The following ATP9B variants were observed in gnomAD, a reference collection of about 807,000 sequenced individuals.
ATP9B encodes the protein ATPase phospholipid transporting 9B.
A neutral mutation model predicts 146.1 loss-of-function variants in ATP9B; 110 were observed. That is an observed-to-expected ratio of 0.75 (90% CI 0.65 to 0.88). The LOEUF is 0.88. Ranked by LOEUF, ATP9B falls within the 40% of genes least tolerant of loss-of-function variation. ATP9B has a pLI of 0.00. For missense variants in ATP9B, 1,499 were observed against 1,496.4 expected (o/e 1.00, Z -0.03); for synonymous variants, 604 against 569.7 (o/e 1.06, Z -0.86).
chr18:79,110,212 AC>A (rs2075913366), intron 2 of ATP9B, 142 bp from the exon 3 acceptor site: 1 of 738,954 alleles, frequency 1.4e-6, no homozygotes, highest in Non-Finnish European at 1.9e-6. Flanking sequence ...TATAAGAAAA[AC>A]CCCACAAATT....
At chr18:79,151,504 G>C (rs2094688551) in intron 6 of ATP9B, among the ~76,000 whole-genome samples, 1 of 151,986 alleles carries the variant, frequency 6.6e-6, no homozygotes, top group Non-Finnish European at 1.5e-5. Flanking sequence ...TGTCATATTT[G>C]ACTATATTTC....
intron 1 of ATP9B, 29 bp downstream of exon 1, chr18:79,069,558 C>T (rs1300488244): frequency 3.1e-6 from 4 of 1,275,706 alleles, no homozygotes; most frequent in South Asian, 2.2e-5. Context: ...GCCCCGTTCC[C>T]CGCCGACGCT....
intron 8 of ATP9B, among the ~76,000 whole-genome samples, chr18:79,190,003 C>T (rs139314332): frequency 2.6e-5 from 4 of 152,274 alleles, no homozygotes; most frequent in East Asian, 1.9e-4. Context: ...TCAGTGGTGC[C>T]GCACCGCATT....
intron 9 of ATP9B, among the ~76,000 whole-genome samples, chr18:79,203,213 G>A (rs898583708): frequency 2.7e-5 from 4 of 147,476 alleles, no homozygotes; most frequent in Non-Finnish European, 4.5e-5. Context: ...GCATCATGGA[G>A]GCAGTAGGAC....
chr18:79,341,937 C>T (rs2096861627), intron 19 of ATP9B, among the ~76,000 whole-genome samples: 1 of 152,240 alleles, frequency 6.6e-6, no homozygotes, highest in Non-Finnish European at 1.5e-5. Context: ...AACCCTGGCA[C>T]CCACCATCTA....
intron 7 of ATP9B, among the ~76,000 whole-genome samples, chr18:79,175,191 CTG>C (rs1158083992): frequency 7.5e-6 from 1 of 133,518 alleles, no homozygotes; most frequent in Non-Finnish European, 1.5e-5. Context: ...CAGAGCGAGA[CTG>C]TCTCAAAAAA....
At chr18:79,355,881 G>A (rs1450689556) in intron 25 of ATP9B, among the ~76,000 whole-genome samples, 3 of 152,180 alleles carry the variant, frequency 2.0e-5, no homozygotes, top group South Asian at 2.1e-4. Context: ...TGAGGAGACG[G>A]GGTACGTTGG....
chr18:79,246,638 A>G (rs2095967209), intron 11 of ATP9B, among the ~76,000 whole-genome samples: 1 of 152,244 alleles, frequency 6.6e-6, no homozygotes, highest in South Asian at 2.1e-4. Flanking sequence ...TTGGGTTAGA[A>G]ATGGCTGGCG....
chr18:79,182,135 CTAAT>C (rs956171895), intron 8 of ATP9B, among the ~76,000 whole-genome samples: 8 of 152,286 alleles, frequency 5.3e-5, no homozygotes, highest in African/African-American at 1.4e-4. Context: ...TATTGGAATG[CTAAT>C]TAATCCTGTT....
chr18:79,221,547 G>T (rs1430217737), intron 11 of ATP9B, among the ~76,000 whole-genome samples: 1 of 152,140 alleles, frequency 6.6e-6, no homozygotes, highest in Non-Finnish European at 1.5e-5. Context: ...ATGGCAAAAT[G>T]CCCTCTTTAC....
At chr18:79,154,151 C>G (rs1281058592) in intron 6 of ATP9B, among the ~76,000 whole-genome samples, 1 of 150,192 alleles carries the variant, frequency 6.7e-6, no homozygotes, top group Non-Finnish European at 1.5e-5. Flanking sequence ...TTAGTAGAGA[C>G]AAGGTTTCAC....
intron 15 of ATP9B, among the ~76,000 whole-genome samples, chr18:79,309,632 TA>T (rs2096641599): frequency 6.9e-6 from 1 of 144,454 alleles, no homozygotes. Flanking sequence ...CCCCAGCAGG[TA>T]GAAGGTCAGG....
In ATP9B at chr18:79,329,322, G is replaced by T; in HGVS notation, c.1935+20G>T. On this transcript the variant is annotated intron_variant, in intron 16 of 29. Coordinates refer to ENST00000426216, the MANE Select transcript of ATP9B (RefSeq NM_198531.5). The stretch of plus-strand genomic sequence containing the variant: ...GTCAGGGTGAGGCTGCGGGGAGGGT[G>T]CCACGCGATGGCTTCAGACATTTTG... 6.4e-7 allele frequency: 1 copy of T among 1,562,522 alleles called. No individual in the cohort carries two copies.
intron 12 of ATP9B, chr18:79,255,268 G>C (rs2096066848): frequency 6.6e-6 from 1 of 152,218 alleles, no homozygotes; most frequent in South Asian, 2.1e-4. Context: ...ACTATAACCA[G>C]AAAGTAACCT....
intron 15 of ATP9B, 133 bp downstream of exon 15, chr18:79,307,367 T>C (rs771064967): frequency 2.9e-5 from 39 of 1,327,656 alleles, no homozygotes; most frequent in Non-Finnish European, 3.8e-5. Flanking sequence ...TTTAGCTGTA[T>C]GTGGAAAACT....
Position 79,069,547 on chromosome 18 carries a change from G to A in ATP9B, c.119+18G>A. Reference sequence around the variant, plus strand: ...CACAGCAGGTAACCGAGGCGGCACTGGCCCCGTTCCCCGCCGACGCTCCCC... The same window carrying A: ...CACAGCAGGTAACCGAGGCGGCACTAGCCCCGTTCCCCGCCGACGCTCCCC... On this transcript the variant is annotated intron_variant, in intron 1 of 29. Transcript: ENST00000426216. The A allele has an allele frequency of 3.1e-6, 4 of 1,308,878 alleles. No homozygotes were observed. The highest frequency in any genetic ancestry group is 3.9e-6 in the Non-Finnish European group (4 of 1,027,194). 81.1% of individuals were successfully genotyped at this position (1,308,878 alleles called of 1,614,324 possible). A position where few individuals can be genotyped will look rare whatever the true frequency, so the allele number is the denominator to read the frequency against.
intron 5 of ATP9B, among the ~76,000 whole-genome samples, chr18:79,129,200 A>AT (rs2094337303): frequency 6.6e-6 from 1 of 152,174 alleles, no homozygotes; most frequent in Non-Finnish European, 1.5e-5. Context: ...GTCAAGCCAG[A>AT]TAGTAGAGTG....
In ATP9B at chr18:79,373,508, T is replaced by A. The variant is rs111727151; in HGVS notation, c.3071-390T>A. 9.3e-3 allele frequency among the ~76,000 whole-genome samples: 1,374 copies of A among 148,118 alleles called. 9 individuals are homozygous for A. The highest frequency in any genetic ancestry group is 0.028 in the Middle Eastern group (8 of 290). On this transcript the variant is annotated intron_variant, in intron 27 of 29. Coordinates refer to ENST00000426216, the MANE Select transcript of ATP9B (RefSeq NM_198531.5). ...TTATCCGCCTTTTTTTTTTTTTTTTTAGACAGAGTCTCGCTCTGTCACCCA... is the reference window on the plus strand; with the variant it reads ...TTATCCGCCTTTTTTTTTTTTTTTTAAGACAGAGTCTCGCTCTGTCACCCA...
Position 79,330,021 on chromosome 18 carries a change from A to G in ATP9B, c.1945A>G (p.Thr649Ala), listed in dbSNP as rs750938540. 7.4e-6 allele frequency: 12 copies of G among 1,614,040 alleles called. No individual in the cohort carries two copies. The Admixed American group carries it at 1.7e-4, about 22-fold the overall frequency. Reference protein sequence around the residue: ...RMGVIVRDESTAEITFYMKGA... With the variant: ...RMGVIVRDESAAEITFYMKGA... ...TTTTGTTCTTTGATAGGATGAATCC[A>G]CGGCAGAAATCACATTCTACATGAA... Residue 649 changes from threonine (T) to alanine (A), a missense_variant, in exon 17 of 30, where the codon ACG becomes GCG. Thr to Ala is a moderately conservative substitution (Grantham distance 58). Transcript: ENST00000426216.
Sources: gnomAD v4.1 joint callset for allele counts (sites outside exome capture counted in the v4.1 genomes callset) on GRCh38, gnomAD v4.1.1 for gene constraint, MANE v1.5 for transcripts, NCBI Gene and HGNC (gene_info 2026-07-23, HGNC 2026-07-21) for gene names.